PEBP4: variants seen among roughly 807,000 people sequenced by gnomAD.
PEBP4 encodes the protein phosphatidylethanolamine-binding protein 4.
In PEBP4, 22 loss-of-function variants were observed where a neutral mutation model predicts 23.9. That is an observed-to-expected ratio of 0.92 (90% CI 0.66 to 1.31). The LOEUF (loss-of-function observed/expected upper bound fraction) is 1.31. Among genes scored for constraint, PEBP4 ranks in the 40% most tolerant of loss-of-function variants. The pLI is 0.00. For synonymous variants in PEBP4, 112 were observed against 99.3 expected (o/e 1.13, Z -0.76); for missense variants, 324 against 281.7 (o/e 1.15, Z -1.07).
At chr8:22,737,770 G>A (rs543522148) in intron 4 of PEBP4, among the ~76,000 whole-genome samples, 6 of 152,208 alleles carry the variant, frequency 3.9e-5, no homozygotes, top group South Asian at 4.1e-4. Context: ...CTGAGTTTCC[G>A]TACCTATAAA....
chr8:22,838,597 C>T (rs1266545053), intron 3 of PEBP4, among the ~76,000 whole-genome samples: 1 of 152,254 alleles, frequency 6.6e-6, no homozygotes, highest in African/African-American at 2.4e-5. Context: ...GGGGTTGGCT[C>T]CTGGCTAGGG....
At chr8:22,938,147 G>T (rs1809565381) in intron 1 of PEBP4, among the ~76,000 whole-genome samples, 1 of 152,010 alleles carries the variant, frequency 6.6e-6, no homozygotes, top group African/African-American at 2.4e-5. Context: ...GAGACAACCT[G>T]CAGAATGAGA....
At chr8:22,797,263 A>T (rs1806281182) in intron 4 of PEBP4, among the ~76,000 whole-genome samples, 1 of 151,702 alleles carries the variant, frequency 6.6e-6, no homozygotes, top group Admixed American at 6.6e-5. Flanking sequence ...CAAAAAAAAA[A>T]AAAAAAAAAG....
At chr8:22,815,617 T>C (rs183240461) in intron 4 of PEBP4, among the ~76,000 whole-genome samples, 387 of 152,234 alleles carry the variant, frequency 2.5e-3, no homozygotes, top group Non-Finnish European at 4.8e-3. Context: ...AGGGAAGCAG[T>C]GCAAATGTGA....
Position 22,817,681 on chromosome 8 carries a change from G to A in PEBP4, c.313C>T (p.Pro105Ser), listed in dbSNP as rs756611694. ...CAATGTCTCCAGAATCTCTGTCTGG[G>A]TTCTGCTCTGCTAGGGGCATCTGGA... ...VDPDAPSRAE[P>S]RQRFWRHWLV... Residue 105 changes from proline to serine, a missense_variant, in exon 4 of 7, where the codon CCC becomes TCC. Transcript: ENST00000256404. 7.4e-5 allele frequency: 120 copies of A among 1,614,052 alleles called. No homozygotes were observed. Among genetic ancestry groups the A allele is most frequent in the Non-Finnish European group, 9.8e-5 (116 of 1,180,022 alleles).
intron 4 of PEBP4, among the ~76,000 whole-genome samples, chr8:22,810,670 GTGTGT>G (rs1806600998): frequency 3.0e-4 from 4 of 13,292 alleles, no homozygotes; most frequent in Admixed American, 8.4e-4. Context: ...TCATGGAGGG[GTGTGT>G]GTGTGTGTGT....
At chr8:22,725,000 C>T (rs1200378399) in intron 5 of PEBP4, 44 bp from the exon 6 acceptor site, 4 of 1,519,572 alleles carry the variant, frequency 2.6e-6, no homozygotes, top group Non-Finnish European at 3.7e-6. Flanking sequence ...ACATCCCATA[C>T]TACCGAGGGC....
chr8:22,749,875 T>G (rs1474603088), intron 4 of PEBP4, among the ~76,000 whole-genome samples: 1 of 146,804 alleles, frequency 6.8e-6, no homozygotes, highest in Non-Finnish European at 1.5e-5. Context: ...GGCACGATGT[T>G]GTCTCACTGG....
At chr8:22,774,231 C>T (rs564187594) in intron 4 of PEBP4, among the ~76,000 whole-genome samples, 1 of 152,346 alleles carries the variant, frequency 6.6e-6, no homozygotes, top group South Asian at 2.1e-4. Context: ...CCTTCCTCTT[C>T]TTTGTCTCTT....
intron 3 of PEBP4, among the ~76,000 whole-genome samples, chr8:22,918,450 G>A (rs1450751641): frequency 5.3e-5 from 8 of 152,188 alleles, no homozygotes; most frequent in African/African-American, 1.9e-4. Flanking sequence ...CGTGGGTGAT[G>A]TCGTCTTTGT....
At chr8:22,811,543 T>A (rs1428774910) in intron 4 of PEBP4, among the ~76,000 whole-genome samples, 1 of 151,516 alleles carries the variant, frequency 6.6e-6, no homozygotes, top group Non-Finnish European at 1.5e-5. Context: ...AAAATAGAGG[T>A]GGGAAATGTT....
At chr8:22,869,348 G>A (rs567315242) in intron 3 of PEBP4, among the ~76,000 whole-genome samples, 1 of 152,050 alleles carries the variant, frequency 6.6e-6, no homozygotes, top group Non-Finnish European at 1.5e-5. Flanking sequence ...ATTTATTTTT[G>A]TGTATGTCTC....
intron 4 of PEBP4, among the ~76,000 whole-genome samples, chr8:22,743,361 C>T (rs1168887542): frequency 1.3e-5 from 2 of 152,236 alleles, no homozygotes; most frequent in African/African-American, 4.8e-5. Flanking sequence ...CTTGCTGGAG[C>T]CTCTAATGAC....
intron 3 of PEBP4, among the ~76,000 whole-genome samples, chr8:22,843,139 T>G (rs1187236070): frequency 6.6e-6 from 1 of 152,216 alleles, no homozygotes; most frequent in African/African-American, 2.4e-5. Flanking sequence ...ATTTTTTGTA[T>G]TTTTAGTAGA....
At chr8:22,937,909 C>G (rs911794387) in intron 1 of PEBP4, among the ~76,000 whole-genome samples, 4 of 152,026 alleles carry the variant, frequency 2.6e-5, no homozygotes, top group African/African-American at 9.7e-5. Flanking sequence ...TGGATCCTTG[C>G]TTTACACCAG....
intron 3 of PEBP4, among the ~76,000 whole-genome samples, chr8:22,901,772 G>T (rs1421500537): frequency 2.0e-5 from 3 of 152,138 alleles, no homozygotes; most frequent in Non-Finnish European, 4.4e-5. Context: ...ACTTAGCGAG[G>T]GCACCGTTCT....
At chr8:22,871,407 G>A (rs369311591) in intron 3 of PEBP4, among the ~76,000 whole-genome samples, 35 of 152,068 alleles carry the variant, frequency 2.3e-4, no homozygotes, top group African/African-American at 6.5e-4. Flanking sequence ...TTAGCTCCTC[G>A]TCCTGTACTA....
intron 3 of PEBP4, among the ~76,000 whole-genome samples, chr8:22,847,428 A>G (rs540770585): frequency 5.9e-5 from 9 of 152,020 alleles, no homozygotes; most frequent in Admixed American, 1.3e-4. Context: ...AACTCTGTCT[A>G]GTTGGAAATT....
At chr8:22,941,052 A>G (rs1261498549) in intron 1 of PEBP4, among the ~76,000 whole-genome samples, 1 of 151,854 alleles carries the variant, frequency 6.6e-6, no homozygotes, top group Non-Finnish European at 1.5e-5. Context: ...GCGGATGTTG[A>G]GAGTTTGAGA....
Sources: allele counts gnomAD v4.1 joint callset (sites outside exome capture counted in the v4.1 genomes callset), GRCh38; gene constraint gnomAD v4.1.1; transcripts MANE v1.5; gene names NCBI Gene and HGNC (gene_info 2026-07-23, HGNC 2026-07-21).